ATP13A1: variants seen among roughly 807,000 people sequenced by gnomAD.
ATP13A1 encodes the protein ATPase 13A1.
In ATP13A1, 55 loss-of-function variants were observed where a neutral mutation model predicts 134.8. That is an observed-to-expected ratio of 0.41 (90% CI 0.33 to 0.51). The LOEUF is 0.51. ATP13A1 is among the 20% of genes least tolerant of loss of function. ATP13A1 has a pLI of 0.29. For synonymous variants in ATP13A1, 775 were observed against 725.1 expected (o/e 1.07, Z -1.10); for missense variants, 1,389 against 1,652.8 (o/e 0.84, Z 2.77).
rs1770169499 is a variant in ATP13A1 at position 19,656,718 on chromosome 19, C to T, written c.1025G>A (p.Arg342Gln). 8 of 1,613,800 alleles carry T rather than the reference C, an allele frequency of 5.0e-6. No individual in the cohort carries two copies. Among genetic ancestry groups the T allele is most frequent in the South Asian group, 1.1e-5 (1 of 91,080 alleles). Residue 342 changes from arginine (R) to glutamine (Q), a missense_variant, in exon 7 of 26, where the codon CGA becomes CAA. By Grantham distance (43) the Arg-to-Gln change is conservative. Transcript: ENST00000357324. The surrounding 1 kb of genome is among the most constrained non-coding windows in gnomAD (Gnocchi z 4.6). ...NLVPCDVLLL[R>Q]GRCIVDEAML... ...GGCCTCGTCTACGATGCAGCGGCCT[C>T]GCAGCAGAAGCACGTCACATGGCAC... is the stretch of plus-strand genomic sequence containing the variant.
In ATP13A1 at chr19:19,656,214, C is replaced by T; in HGVS notation, c.1084-31G>A. ...GAGGAAGATCGTGAATCTGGATGGC[C>T]AGGCCTACCTTGCTTCCTTCTCCAT... On this transcript the variant is annotated intron_variant, in intron 7 of 25. Coordinates refer to ENST00000357324, the MANE Select transcript of ATP13A1 (RefSeq NM_020410.3). The surrounding 1 kb of genome is among the most constrained non-coding windows in gnomAD (Gnocchi z 4.6). The T allele has an allele frequency of 1.3e-6, 2 of 1,578,382 alleles. No individual in the cohort carries two copies. The highest frequency in any genetic ancestry group is 1.7e-6 in the Non-Finnish European group (2 of 1,160,352).
chr19:19,653,766 G>A lies in ATP13A1; in HGVS notation c.2100+18C>T, dbSNP rs760973340. 2.6e-6 allele frequency: 4 copies of A among 1,537,008 alleles called. No individual in the cohort carries two copies. The East Asian group carries it at 7.3e-5, about 28-fold the overall frequency. On this transcript the variant is annotated intron_variant, in intron 15 of 25. Coordinates refer to ENST00000357324, the MANE Select transcript of ATP13A1 (RefSeq NM_020410.3). This position sits in a 1 kb window ranked among gnomAD's most constrained non-coding sequence, Gnocchi z 4.2. ...GGGCCAGGCACATGGTGAAGGCAGG[G>A]GGAGCCTGGGCCCGTACCTGCTGGT...
intron 17 of ATP13A1, 21 bp downstream of exon 17, chr19:19,651,668 T>G (rs1382797788): frequency 5.0e-6 from 8 of 1,589,894 alleles, no homozygotes; most frequent in Non-Finnish European, 6.0e-6. Flanking sequence ...TTCCCCACTG[T>G]GGGCCAGGCT....
chr19:19,663,624 C>T lies in ATP13A1; in HGVS notation c.43G>A (p.Ala15Thr), dbSNP rs767678591. 5.0e-5 allele frequency: 68 copies of T among 1,350,460 alleles called. 2 individuals are homozygous for T. The East Asian group carries it at 1.0e-3, about 20-fold the overall frequency. The allele number at this position is 1,350,460 out of a possible 1,614,324, so 83.7% of individuals were successfully genotyped here. A position where few individuals can be genotyped will look rare whatever the true frequency, so the allele number is the denominator to read the frequency against. The change falls in exon 1 of 26, where the codon GCC becomes ACC. Residue 15 changes from alanine to threonine, a missense_variant. By Grantham distance (58) the Ala-to-Thr change is moderately conservative. Around this residue, in one of 4 missense-constraint regions of ATP13A1, gnomAD observed 293 missense variants for 270.8 expected, o/e 1.08. Coordinates refer to ENST00000357324, the MANE Select transcript of ATP13A1 (RefSeq NM_020410.3). ...AAVGNAVPCG[A>T]RPCGVRPDGQ... ...TCAGGCCGGACCCCGCAAGGCCGGG[C>T]CCCGCAGGGCACCGCGTTGCCCACC... is the stretch of plus-strand genomic sequence containing the variant.
chr19:19,656,918 T>TG lies in ATP13A1; in HGVS notation c.907-3dup. ...CCTCCACTTGCGGCTTCGGTAGACC[T>TG]GGGCGGGGCATGGGTGTCAGCACAG... is the stretch of plus-strand genomic sequence containing the variant. On this transcript the variant is annotated splice_polypyrimidine_tract_variant and splice_region_variant and intron_variant, in intron 5 of 25. Coordinates refer to ENST00000357324, the MANE Select transcript of ATP13A1 (RefSeq NM_020410.3). The surrounding 1 kb of genome is among the most constrained non-coding windows in gnomAD (Gnocchi z 4.6). The TG allele has an allele frequency of 6.2e-7, 1 of 1,610,326 alleles. No homozygotes were observed. Among genetic ancestry groups the TG allele is most frequent in the Non-Finnish European group, 8.5e-7 (1 of 1,178,664 alleles).
Position 19,656,908 on chromosome 19 carries a change from T to G in ATP13A1, c.915A>C (p.Arg305=), listed in dbSNP as rs2062062245. Reference sequence around the variant, plus strand: ...TGGCAATGGGCCTCCACTTGCGGCTTCGGTAGACCTGGGCGGGGCATGGGT... The same window carrying G: ...TGGCAATGGGCCTCCACTTGCGGCTGCGGTAGACCTGGGCGGGGCATGGGT... ...GNKPHMIQVY[R]SRKWRPIASD... Residue 305 remains arginine (R), a synonymous_variant, in exon 6 of 26, where the codon CGA becomes CGC. Transcript: ENST00000357324. This position sits in a 1 kb window ranked among gnomAD's most constrained non-coding sequence, Gnocchi z 4.6. 1.2e-6 allele frequency: 2 copies of G among 1,611,332 alleles called. No homozygotes were observed. The highest frequency in any genetic ancestry group is 1.7e-5 in the Admixed American group (1 of 59,664).
In ATP13A1 at chr19:19,647,494, T is replaced by G. The variant is rs773876356; in HGVS notation, c.2828A>C (p.Asp943Ala). Residue 943 changes from aspartate to alanine, a missense_variant, in exon 21 of 26, where the codon GAC becomes GCC. Asp to Ala is a moderately radical substitution (Grantham distance 126). Around this residue, in one of 4 missense-constraint regions of ATP13A1, gnomAD observed 121 missense variants for 104.9 expected, o/e 1.15. Coordinates refer to ENST00000357324, the MANE Select transcript of ATP13A1 (RefSeq NM_020410.3). The surrounding 1 kb of genome is among the most constrained non-coding windows in gnomAD (Gnocchi z 4.8). ...CAGTTTCACAATGGGCGTACTCTCGTCCTCGAGGTCTCGCAGCACCTGGCT... is the reference window on the plus strand; with the variant it reads ...CAGTTTCACAATGGGCGTACTCTCGGCCTCGAGGTCTCGCAGCACCTGGCT... The part of the protein sequence containing the change: ...RLSQVLRDLE[D>A]ESTPIVKLGD... The G allele has an allele frequency of 6.2e-7, 1 of 1,613,252 alleles. No individual in the cohort carries two copies. The highest frequency in any genetic ancestry group is 1.1e-5 in the South Asian group (1 of 90,966).
At position 19,647,979 on chromosome 19, in the gene ATP13A1, A is replaced by C. The variant is rs958016831; in HGVS notation, c.2633-220T>G. 6.6e-6 allele frequency among the ~76,000 whole-genome samples: 1 copy of C among 152,168 alleles called. No individual in the cohort carries two copies. The highest frequency in any genetic ancestry group is 1.5e-5 in the Non-Finnish European group (1 of 68,034). ...AACAAACCACCAACAATAAACCCCC[A>C]CAACAAATGCAATGAAAAAACACAC... On this transcript the variant is annotated intron_variant, in intron 19 of 25. Transcript: ENST00000357324. This position sits in a 1 kb window ranked among gnomAD's most constrained non-coding sequence, Gnocchi z 4.8.
In ATP13A1 at chr19:19,654,590, G is replaced by A; in HGVS notation, c.1766C>T (p.Pro589Leu). 2.5e-6 allele frequency: 4 copies of A among 1,613,248 alleles called. No individual in the cohort carries two copies. The highest frequency in any genetic ancestry group is 3.4e-6 in the Non-Finnish European group (4 of 1,179,836). ...GGCCGTCAGCATGGCCTTCTCTAGA[G>A]GGTCACCCACGAGGGTGCCGTCGTC... ...QLDDGTLVGD[P>L]LEKAMLTAVD... Residue 589 changes from proline (P) to leucine (L), a missense_variant, in exon 13 of 26, where the codon CCT (proline) becomes CTT (leucine). Transcript: ENST00000357324.
intron 1 of ATP13A1, among the ~76,000 whole-genome samples, chr19:19,662,891 A>G (rs2062103089): frequency 6.6e-6 from 1 of 152,144 alleles, no homozygotes; most frequent in Non-Finnish European, 1.5e-5. Flanking sequence ...AAGGTAGGAG[A>G]CAGATGAGAT....
Position 19,651,780 on chromosome 19 carries a change from T to G in ATP13A1, c.2244A>C (p.Gly748=), listed in dbSNP as rs758656550. 3 of 1,612,512 alleles carry G rather than the reference T, an allele frequency of 1.9e-6. No homozygotes were observed. The highest frequency in any genetic ancestry group is 2.2e-5 in the South Asian group (2 of 90,876). ...NASHRVVMIT[G]DNPLTACHVA... The stretch of plus-strand genomic sequence containing the variant: ...CGTGGCATGCAGTGAGCGGGTTGTC[T>G]CCCGTGATCATGACCACCTTGGGTA... The change falls in exon 17 of 26, where the codon GGA becomes GGC. Residue 748 remains glycine (G), a synonymous_variant. Transcript: ENST00000357324.
In ATP13A1 at chr19:19,656,019, G is replaced by A; in HGVS notation, c.1213+35C>T. 6.2e-7 allele frequency: 1 copy of A among 1,613,082 alleles called. No homozygotes were observed. The highest frequency in any genetic ancestry group is 8.5e-7 in the Non-Finnish European group (1 of 1,179,666). On this transcript the variant is annotated intron_variant, in intron 8 of 25. Transcript: ENST00000357324. The surrounding 1 kb of genome is among the most constrained non-coding windows in gnomAD (Gnocchi z 4.6). ...AAGCAGACGGGCAAAGGGGGTGGAAGCCCAGATACCCCCAGACGCCCATGA... is the reference window on the plus strand; with the variant it reads ...AAGCAGACGGGCAAAGGGGGTGGAAACCCAGATACCCCCAGACGCCCATGA...
intron 1 of ATP13A1, chr19:19,662,235 C>A: frequency 6.6e-7 from 1 of 1,508,068 alleles, no homozygotes. Flanking sequence ...TGGTGTCTTT[C>A]ATTGTACTAC....
rs538827429 is a variant in ATP13A1 at position 19,648,549 on chromosome 19, C to T, written c.2633-790G>A. 1.3e-4 allele frequency among the ~76,000 whole-genome samples: 20 copies of T among 151,478 alleles called. No individual in the cohort carries two copies. The East Asian group carries it at 3.5e-3, about 26-fold the overall frequency. Reference sequence around the variant, plus strand: ...AAAGGCCAGGTGAGGTGGCTCACACCTGTAATCCCAGCACTTTGGGAGGCC... The same window carrying T: ...AAAGGCCAGGTGAGGTGGCTCACACTTGTAATCCCAGCACTTTGGGAGGCC... On this transcript the variant is annotated intron_variant, in intron 19 of 25. Transcript: ENST00000357324.
At position 19,647,035 on chromosome 19, in the gene ATP13A1, T is replaced by G. The variant is rs1432814261; in HGVS notation, c.3105+94A>C. The G allele has an allele frequency of 7.4e-7, 1 of 1,348,672 alleles. No individual in the cohort carries two copies. The highest frequency in any genetic ancestry group is 1.0e-6 in the Non-Finnish European group (1 of 990,674). The allele number at this position is 1,348,672 out of a possible 1,614,324, so 83.5% of individuals were successfully genotyped here. On this transcript the variant is annotated intron_variant, in intron 22 of 25. Transcript: ENST00000357324. The surrounding 1 kb of genome is among the most constrained non-coding windows in gnomAD (Gnocchi z 4.8). ...CAGCCCCCATCTCTGGGGCCCTGGG[T>G]CCTGTAACTTGGGGATGACAATTCC...
chr19:19,657,045 C>A lies in ATP13A1; in HGVS notation c.855G>T (p.Met285Ile). Residue 285 changes from methionine (M) to isoleucine (I), a missense_variant, in exon 5 of 26, where the codon ATG becomes ATT. Around this residue, in one of 4 missense-constraint regions of ATP13A1, gnomAD observed 747 missense variants for 956.1 expected, o/e 0.78. Transcript: ENST00000357324. ...TCTTCCGGATCTCCGACATGTTCCG[C>A]ATCTGCTGCTGCACCAGCGAGGCCT... ...AFEASLVQQQ[M>I]RNMSEIRKMG... The A allele has an allele frequency of 6.4e-7, 1 of 1,569,318 alleles. No homozygotes were observed.
Position 19,656,156 on chromosome 19 carries a change from G to T in ATP13A1, c.1111C>A (p.Arg371=), listed in dbSNP as rs776945337. 7.4e-6 allele frequency: 12 copies of T among 1,613,036 alleles called. No individual in the cohort carries two copies. In the Admixed American group the frequency reaches 1.5e-4, roughly 20 times the overall value. ...KEPIEDLSPD[R]VLDLQADSRL... ...GAATCAGCCTGGAGGTCCAGCACCCGGTCTGGGCTGAGGTCTTCGATGGGC... is the reference window on the plus strand; with the variant it reads ...GAATCAGCCTGGAGGTCCAGCACCCTGTCTGGGCTGAGGTCTTCGATGGGC... The change falls in exon 8 of 26, where the codon CGG becomes AGG. Residue 371 remains arginine (R), a synonymous_variant. Coordinates refer to ENST00000357324, the MANE Select transcript of ATP13A1 (RefSeq NM_020410.3). This position sits in a 1 kb window ranked among gnomAD's most constrained non-coding sequence, Gnocchi z 4.6.
intron 17 of ATP13A1, chr19:19,650,522 AGC>A: frequency 1.3e-5 from 2 of 156,794 alleles, no homozygotes; most frequent in Non-Finnish European, 2.8e-5. Flanking sequence ...GACCATCTCA[AGC>A]TGAAGGGCAG....
At position 19,656,826 on chromosome 19, in the gene ATP13A1, C is replaced by A. The variant is rs775437271; in HGVS notation, c.976+21G>T. ...CCTGAGGCTGGGGCTCCCACTGGGA[C>A]TGAGCGGAACCCGGCCTCACCGATG... On this transcript the variant is annotated intron_variant, in intron 6 of 25. Coordinates refer to ENST00000357324, the MANE Select transcript of ATP13A1 (RefSeq NM_020410.3). This position sits in a 1 kb window ranked among gnomAD's most constrained non-coding sequence, Gnocchi z 4.6. 6.2e-7 allele frequency: 1 copy of A among 1,612,290 alleles called. No homozygotes were observed. The highest frequency in any genetic ancestry group is 1.7e-5 in the Admixed American group (1 of 59,740).
Sources: allele counts gnomAD v4.1 joint callset (sites outside exome capture counted in the v4.1 genomes callset), GRCh38; gene constraint gnomAD v4.1.1; regional missense constraint gnomAD v4.1.1; non-coding constraint Gnocchi (gnomAD v3.1); transcripts MANE v1.5; gene names NCBI Gene and HGNC (gene_info 2026-07-23, HGNC 2026-07-21).